The following DNAH10 variants were observed in gnomAD, a reference collection of about 807,000 sequenced individuals.
DNAH10 encodes the protein dynein axonemal heavy chain 10.
A neutral mutation model predicts 506.6 loss-of-function variants in DNAH10; 348 were observed. That is an observed-to-expected ratio of 0.69 (90% CI 0.63 to 0.75). The LOEUF is 0.75. DNAH10 is among the 30% of genes least tolerant of loss of function. The pLI, the probability that DNAH10 is intolerant of heterozygous loss-of-function variation, is 0.00. For missense variants in DNAH10, 5,179 were observed against 5,787.1 expected, an observed-to-expected ratio of 0.89 and a Z score of 3.41; for synonymous variants, 2,059 against 2,198.6, an observed-to-expected ratio of 0.94 and a Z score of 1.78.
At chr12:123,886,814 T>G (rs1952754479) in intron 51 of DNAH10, among the ~76,000 whole-genome samples, 5 of 152,212 alleles carry the variant, frequency 3.3e-5, no homozygotes. Flanking sequence ...TGTACATTGA[T>G]TTCCTGTCAC....
chr12:123,774,126 A>G (rs1271831522), intron 4 of DNAH10, 23 bp from the exon 5 acceptor site: 1 of 1,528,612 alleles, frequency 6.5e-7, no homozygotes, highest in South Asian at 1.2e-5. Flanking sequence ...CTGACCTTAC[A>G]TTCTACACCT....
chr12:123,832,956 G>A (rs940927097), intron 26 of DNAH10, among the ~76,000 whole-genome samples, 158 bp from the exon 27 acceptor site: 2 of 152,172 alleles, frequency 1.3e-5, no homozygotes, highest in African/African-American at 4.8e-5. Context: ...TTGATAAGTG[G>A]CAATTATTAC....
chr12:123,916,305 C>T lies in DNAH10; in HGVS notation c.10723-152C>T, dbSNP rs758888850. Among the ~76,000 whole-genome samples the T allele has an allele frequency of 1.3e-5, 2 of 152,130 alleles. No homozygotes were observed. The highest frequency in any genetic ancestry group is 6.5e-5 in the Admixed American group (1 of 15,276). ...GAGCCTGGACCTCATGGTGTATATG[C>T]GTTATACCCCTTGCTTCTCTCTTCT... On this transcript the variant is annotated intron_variant, in intron 62 of 78. Transcript: ENST00000673944. The surrounding 1 kb of genome is among the most constrained non-coding windows in gnomAD (Gnocchi z 4.6).
In DNAH10 at chr12:123,767,612, T is replaced by G; in HGVS notation, c.221T>G (p.Ile74Arg). Reference sequence around the variant, plus strand: ...CATTTATGTGGCCATAAAGATGAGATACCTGTCCTGTCTGAAGAGGGAGAA... The same window carrying G: ...CATTTATGTGGCCATAAAGATGAGAGACCTGTCCTGTCTGAAGAGGGAGAA... ...PEEVEVEIDE[I>R]PVLSEEGEEE... The change falls in exon 2 of 79, where the codon ATA becomes AGA. Residue 74 changes from isoleucine (I) to arginine (R), a missense_variant. Physicochemically the swap from Ile to Arg is moderately conservative, Grantham distance 97 (BLOSUM62 -3). Coordinates refer to ENST00000673944, the MANE Select transcript of DNAH10 (RefSeq NM_001372106.1). 5 of 1,612,170 alleles carry G rather than the reference T, an allele frequency of 3.1e-6. No individual in the cohort carries two copies. Among genetic ancestry groups the G allele is most frequent in the Non-Finnish European group, 2.5e-6 (3 of 1,178,994 alleles).
chr12:123,848,604 T>C (rs1951045929), intron 33 of DNAH10, 126 bp from the exon 34 acceptor site: 2 of 1,329,564 alleles, frequency 1.5e-6, no homozygotes, highest in East Asian at 5.1e-5. Context: ...AAGTGGCTGG[T>C]CACCTGCTTC....
intron 29 of DNAH10, among the ~76,000 whole-genome samples, chr12:123,839,890 A>T (rs1950706557): frequency 6.6e-6 from 1 of 152,052 alleles, no homozygotes; most frequent in Admixed American, 6.5e-5. Flanking sequence ...GTATCCATGA[A>T]CCATTTCCTG....
At chr12:123,898,991 T>C in intron 56 of DNAH10, among the ~76,000 whole-genome samples, 177 bp downstream of exon 56, 1 of 152,196 alleles carries the variant, frequency 6.6e-6, no homozygotes, top group East Asian at 1.9e-4. Flanking sequence ...TCCTGTTTTC[T>C]TTCTGAATTC....
At position 123,913,289 on chromosome 12, in the gene DNAH10, C is replaced by T. The variant is rs1023397531; in HGVS notation, c.10326C>T (p.Ile3442=). The change falls in exon 60 of 79, where the codon ATC becomes ATT. Residue 3442 remains isoleucine, a synonymous_variant. Transcript: ENST00000673944. The surrounding 1 kb of genome is among the most constrained non-coding windows in gnomAD (Gnocchi z 5.1). ...ERRLIAADKL[I]SGLGSENIRW... The stretch of plus-strand genomic sequence containing the variant: ...GGCTGATTGCCGCAGACAAACTCAT[C>T]TCGGGTCTGGGGTCAGAAAACATCA... 1.2e-6 allele frequency: 2 copies of T among 1,603,134 alleles called. No homozygotes were observed. Among genetic ancestry groups the T allele is most frequent in the African/African-American group, 1.3e-5 (1 of 74,866 alleles).
Position 123,857,089 on chromosome 12 carries a change from A to G in DNAH10, c.6472A>G (p.Asn2158Asp), listed in dbSNP as rs1376463737. The G allele has an allele frequency of 6.2e-7, 1 of 1,612,934 alleles. No individual in the cohort carries two copies. Among genetic ancestry groups the G allele is most frequent in the East Asian group, 2.2e-5 (1 of 44,842 alleles). Reference protein sequence around the residue: ...VVLMRALRDMNLPKFVFEDVP... With the variant: ...VVLMRALRDMDLPKFVFEDVP... ...GCTGATGAGGGCCTTGCGAGACATG[A>G]ACTTGCCCAAATTTGTGTTTGAAGA... is the stretch of plus-strand genomic sequence containing the variant. Residue 2158 changes from asparagine to aspartate, a missense_variant, in exon 37 of 79, where the codon AAC (asparagine) becomes GAC (aspartate). By Grantham distance (23) the Asn-to-Asp change is conservative. Transcript: ENST00000673944.
chr12:123,930,706 C>CCT, intron 73 of DNAH10, 133 bp downstream of exon 73: 1 of 864,100 alleles, frequency 1.2e-6, no homozygotes, highest in Non-Finnish European at 1.7e-6. Context: ...TTAGGTGGCT[C>CCT]GGCAGACGCT....
At chr12:123,871,339 T>G (rs1952024945) in intron 44 of DNAH10, 118 bp from the exon 45 acceptor site, 3 of 1,192,248 alleles carry the variant, frequency 2.5e-6, no homozygotes, top group Non-Finnish European at 3.5e-6. Flanking sequence ...AGGTCATGTC[T>G]TGGCCTTTGC....
intron 27 of DNAH10, among the ~76,000 whole-genome samples, chr12:123,834,686 C>T (rs1960945810): frequency 6.6e-6 from 1 of 152,222 alleles, no homozygotes; most frequent in Non-Finnish European, 1.5e-5. Context: ...CTACCATCTC[C>T]TCCCCCAGCA....
Position 123,928,154 on chromosome 12 carries a change from G to T in DNAH10, c.12106-233G>T. On this transcript the variant is annotated intron_variant, in intron 69 of 78. Transcript: ENST00000673944. This position sits in a 1 kb window ranked among gnomAD's most constrained non-coding sequence, Gnocchi z 4.9. ...CCAGGGAGGCAGATGAGTGCAAAAT[G>T]CTCACCCATCTTCCAGGCTGGGTGT... 3.4e-6 allele frequency: 2 copies of T among 595,688 alleles called. No homozygotes were observed. The highest frequency in any genetic ancestry group is 5.6e-5 in the East Asian group (2 of 35,796). The allele number at this position is 595,688 out of a possible 1,614,324, so 36.9% of individuals were successfully genotyped here.
intron 58 of DNAH10, 75 bp from the exon 59 acceptor site, chr12:123,910,461 A>G: frequency 6.5e-7 from 1 of 1,541,410 alleles, no homozygotes; most frequent in Non-Finnish European, 8.8e-7. Context: ...GAAACTAGTT[A>G]TGCTTATTTT....
At position 123,762,478 on chromosome 12, in the gene DNAH10, AG is replaced by A; in HGVS notation, c.143del (p.Ser48ThrfsTer58). 1 of 1,509,314 alleles carries A rather than the reference AG, an allele frequency of 6.6e-7. No homozygotes were observed. Among genetic ancestry groups the A allele is most frequent in the Non-Finnish European group, 8.9e-7 (1 of 1,124,636 alleles). The allele number at this position is 1,509,314 out of a possible 1,614,324, so 93.5% of individuals were successfully genotyped here. On this transcript the variant is annotated frameshift_variant, in exon 1 of 79. Coordinates refer to ENST00000673944, the MANE Select transcript of DNAH10 (RefSeq NM_001372106.1). LOFTEE classifies it high-confidence loss of function. The surrounding 1 kb of genome is among the most constrained non-coding windows in gnomAD (Gnocchi z 5.0). ...CATCTTGCACTTCCTCAACCAGGCG[AG>A]CGAGGAGGAGGGGCCCTCGGCGCTC... ...DLILHFLNQA[S>X]EEEGPSALFI...
chr12:123,827,405 T>C (rs1346737523), intron 25 of DNAH10, among the ~76,000 whole-genome samples: 1 of 152,280 alleles, frequency 6.6e-6, no homozygotes, highest in Non-Finnish European at 1.5e-5. Flanking sequence ...AAGTGCAATG[T>C]GTATTTTATA....
rs1391772266 is a variant in DNAH10, at chr12:123,873,606, C to G, written c.7834C>G (p.Gln2612Glu). 3.7e-6 allele frequency: 6 copies of G among 1,613,864 alleles called. No homozygotes were observed. Among genetic ancestry groups the G allele is most frequent in the Non-Finnish European group, 5.1e-6 (6 of 1,179,854 alleles). The change falls in exon 46 of 79, where the codon CAA becomes GAA. Residue 2612 changes from glutamine to glutamate, a missense_variant. By Grantham distance (29) the Gln-to-Glu change is conservative. Coordinates refer to ENST00000673944, the MANE Select transcript of DNAH10 (RefSeq NM_001372106.1). ...CTCCCGCACCACGTCCATGGATATC[C>G]AAAGAAATTTAGAAGCAAATGTGGA... ...FSSRTTSMDI[Q>E]RNLEANVEKR...
chr12:123,912,433 AGGGGGTCTGTCC>A (rs1954254544), intron 59 of DNAH10, among the ~76,000 whole-genome samples: 1 of 39,404 alleles, frequency 2.5e-5, no homozygotes, highest in African/African-American at 1.4e-4. Flanking sequence ...TCTTTCCCGC[AGGGGGTCTGTCC>A]TGGGGGGTCT....
chr12:123,788,005 A>G lies in DNAH10; in HGVS notation c.1620+3A>G, dbSNP rs1222223412. On this transcript the variant is annotated splice_donor_region_variant and intron_variant, in intron 10 of 78. Transcript: ENST00000673944. Reference sequence around the variant, plus strand: ...AGGACCTCTCCGACGTTCTGCAGGTAGGGGCTGGGCGAAGGCCGGCGGAAT... The same window carrying G: ...AGGACCTCTCCGACGTTCTGCAGGTGGGGGCTGGGCGAAGGCCGGCGGAAT... The G allele has an allele frequency of 6.4e-7, 1 of 1,561,382 alleles. No individual in the cohort carries two copies. The highest frequency in any genetic ancestry group is 2.4e-5 in the East Asian group (1 of 42,286).
Sources: gnomAD v4.1 joint callset for allele counts (sites outside exome capture counted in the v4.1 genomes callset) on GRCh38, gnomAD v4.1.1 for gene constraint, Gnocchi (gnomAD v3.1) non-coding constraint, MANE v1.5 for transcripts, NCBI Gene and HGNC (gene_info 2026-07-23, HGNC 2026-07-21) for gene names.